The following ICA1L variants were observed in gnomAD, a reference collection of about 807,000 sequenced individuals.
The protein encoded by ICA1L is islet cell autoantigen 1-like protein.
Under a neutral mutation model 61.3 loss-of-function variants are expected in ICA1L, and 50 were observed. The ratio of observed to expected loss-of-function variants is 0.82; its 90% CI spans 0.65 to 1.03. ICA1L has a LOEUF of 1.03. ICA1L is among the 50% of genes least tolerant of loss of function. The pLI is 0.00. For synonymous variants in ICA1L, 161 were observed against 191.3 expected, an observed-to-expected ratio of 0.84 and a Z score of 1.31; for missense variants, 508 against 556.7, an observed-to-expected ratio of 0.91 and a Z score of 0.88.
chr2:202,846,001 T>C (rs912220032), intron 1 of ICA1L, among the ~76,000 whole-genome samples: 1 of 152,150 alleles, frequency 6.6e-6, no homozygotes, highest in African/African-American at 2.4e-5. Context: ...ACAATCAACA[T>C]TCCTCAGAGT....
At chr2:202,825,919 G>T in intron 2 of ICA1L, 152 bp from the exon 3 acceptor site, 2 of 484,546 alleles carry the variant, frequency 4.1e-6, no homozygotes, top group South Asian at 4.7e-5. Flanking sequence ...CTTCAGTTTT[G>T]GTTTTACTTC....
intron 1 of ICA1L, chr2:202,840,844 G>A (rs1186675725): frequency 2.9e-5 from 18 of 627,102 alleles, no homozygotes; most frequent in Admixed American, 1.6e-4. Flanking sequence ...GCTGGCTGAC[G>A]TTCTGGTTCA....
rs531454120 is a variant in ICA1L, at chr2:202,851,491, T to C, written c.-8+20128A>G. ...AAACATACGTGTGCATGTGTCTTTA[T>C]AGCAGCATGATTTATAATCCTTTGG... On this transcript the variant is annotated intron_variant, in intron 1 of 12. Transcript: ENST00000358299. 2.6e-5 allele frequency among the ~76,000 whole-genome samples: 4 copies of C among 152,350 alleles called. No homozygotes were observed. In the East Asian group the frequency reaches 7.7e-4, roughly 29 times the overall value.
intron 1 of ICA1L, among the ~76,000 whole-genome samples, chr2:202,864,647 G>GTGTGTGTGTGTGTGTGTA (rs1553539143): frequency 7.4e-5 from 11 of 148,650 alleles, no homozygotes; most frequent in Non-Finnish European, 1.6e-4. Flanking sequence ...GTGTGTGTGT[G>GTGTGTGTGTGTGTGTGTA]TATATATATA....
intron 1 of ICA1L, among the ~76,000 whole-genome samples, chr2:202,831,664 G>T (rs184568143): frequency 1.4e-4 from 21 of 152,280 alleles, no homozygotes; most frequent in Admixed American, 6.5e-4. Flanking sequence ...AGTAACATCT[G>T]ATTGGACAGC....
intron 9 of ICA1L, among the ~76,000 whole-genome samples, chr2:202,805,926 A>T (rs543488306): frequency 5.3e-5 from 8 of 152,360 alleles, no homozygotes; most frequent in African/African-American, 1.7e-4. Flanking sequence ...AAATGTAATT[A>T]GTTAACCTTT....
chr2:202,826,458 T>C (rs942361185), intron 2 of ICA1L, among the ~76,000 whole-genome samples: 2 of 152,088 alleles, frequency 1.3e-5, no homozygotes, highest in Non-Finnish European at 2.9e-5. Context: ...AGCATAAGTT[T>C]TACAGTACAG....
At chr2:202,841,182 A>C in intron 1 of ICA1L, 1 of 676,190 alleles carries the variant, frequency 1.5e-6, no homozygotes, top group South Asian at 1.5e-5. Flanking sequence ...AGCTTCATCC[A>C]CATACTGCCT....
At chr2:202,837,344 T>C (rs564483352) in intron 1 of ICA1L, among the ~76,000 whole-genome samples, 11 of 151,190 alleles carry the variant, frequency 7.3e-5, no homozygotes, top group Admixed American at 5.9e-4. Context: ...AGTGCAGTGG[T>C]GCGATCTCGG....
chr2:202,867,488 G>T (rs1276301960), intron 1 of ICA1L, among the ~76,000 whole-genome samples: 8 of 152,138 alleles, frequency 5.3e-5, no homozygotes. Flanking sequence ...ATCTAAACAT[G>T]TCTAACCACT....
chr2:202,780,894 T>TGTAAA (rs1428292922), intron 12 of ICA1L, among the ~76,000 whole-genome samples: 1 of 152,156 alleles, frequency 6.6e-6, no homozygotes, highest in African/African-American at 2.4e-5. Flanking sequence ...TCTCCTCATC[T>TGTAAA]GTAAAGTAGT....
intron 1 of ICA1L, among the ~76,000 whole-genome samples, chr2:202,860,618 G>A (rs1020956528): frequency 2.0e-5 from 3 of 151,976 alleles, no homozygotes; most frequent in Admixed American, 6.6e-5. Flanking sequence ...CCAATGTGGT[G>A]ACTCATGCCT....
chr2:202,786,058 C>A, intron 11 of ICA1L, 51 bp from the exon 12 acceptor site: 1 of 1,036,668 alleles, frequency 9.6e-7, no homozygotes, highest in Non-Finnish European at 1.5e-6. Flanking sequence ...TAGGAAGCAG[C>A]ATCAGAAAAA....
chr2:202,840,833 A>C, intron 1 of ICA1L: 1 of 619,670 alleles, frequency 1.6e-6, no homozygotes. Context: ...CTCAGCCTGG[A>C]GCTGGCTGAC....
At chr2:202,790,806 G>A (rs774857641) in intron 10 of ICA1L, among the ~76,000 whole-genome samples, 1 of 152,146 alleles carries the variant, frequency 6.6e-6, no homozygotes, top group African/African-American at 2.4e-5. Context: ...TAAGGCTACC[G>A]TCACTCTCCT....
intron 6 of ICA1L, 63 bp from the exon 7 acceptor site, chr2:202,816,072 T>A (rs1445644591): frequency 9.7e-7 from 1 of 1,030,080 alleles, no homozygotes; most frequent in Non-Finnish European, 1.4e-6. Context: ...TTAAGTGCTA[T>A]ATTTCCTTAC....
chr2:202,851,769 G>A (rs929697076), intron 1 of ICA1L, among the ~76,000 whole-genome samples: 5 of 152,088 alleles, frequency 3.3e-5, no homozygotes, highest in Non-Finnish European at 7.4e-5. Flanking sequence ...CAGTGATGAC[G>A]AGCATTTTGT....
chr2:202,861,456 A>T (rs1694909903), intron 1 of ICA1L, among the ~76,000 whole-genome samples: 1 of 142,900 alleles, frequency 7.0e-6, no homozygotes, highest in African/African-American at 2.5e-5. Context: ...TATGGATGTT[A>T]CTAAATAACA....
intron 12 of ICA1L, 34 bp downstream of exon 12, chr2:202,785,884 G>A (rs767513364): frequency 2.7e-6 from 3 of 1,126,138 alleles, no homozygotes; most frequent in Non-Finnish European, 4.0e-6. Flanking sequence ...GATTCTTAAA[G>A]CAATGATAAA....
Sources: gnomAD v4.1 joint callset for allele counts (sites outside exome capture counted in the v4.1 genomes callset) on GRCh38, gnomAD v4.1.1 for gene constraint, MANE v1.5 for transcripts, NCBI Gene and HGNC (gene_info 2026-07-23, HGNC 2026-07-21) for gene names.